SLC26A11: variants seen among roughly 807,000 people sequenced by gnomAD.
The protein encoded by SLC26A11 is sodium-independent sulfate anion transporter.
Under a neutral mutation model 62.2 loss-of-function variants are expected in SLC26A11, and 58 were observed. The ratio of observed to expected loss-of-function variants is 0.93; its 90% confidence interval spans 0.76 to 1.16. SLC26A11 has a LOEUF of 1.16. Among genes scored for constraint, SLC26A11 ranks in the 50% most tolerant of loss-of-function variants. SLC26A11 has a pLI of 0.00. For synonymous variants in SLC26A11, 411 were observed against 368.9 expected (o/e 1.11, Z -1.31); for missense variants, 790 against 794.3 (o/e 0.99, Z 0.06).
chr17:80,232,497 C>T (rs2042590202), intron 7 of SLC26A11, among the ~76,000 whole-genome samples: 1 of 152,166 alleles, frequency 6.6e-6, no homozygotes, highest in African/African-American at 2.4e-5. Flanking sequence ...TCAAGTGATC[C>T]ACCTGCCTTG....
At position 80,248,240 on chromosome 17, in the gene SLC26A11, G is replaced by A. The variant is rs189845840; in HGVS notation, c.1405G>A (p.Ala469Thr). ...VSLLMLLHSA[A>T]RPETKVSEGP... ...TCTGCTCATGCTCCTGCACTCTGCA[G>A]CCAGGCCTGAGACCAAGGTACCCCT... is the stretch of plus-strand genomic sequence containing the variant. The change falls in exon 14 of 18, where the codon GCC becomes ACC. Residue 469 changes from alanine to threonine, a missense_variant. Ala to Thr is a moderately conservative substitution (Grantham distance 58). Transcript: ENST00000361193. 6 of 1,609,038 alleles carry A rather than the reference G, an allele frequency of 3.7e-6. No homozygotes were observed. The highest frequency in any genetic ancestry group is 5.1e-6 in the Non-Finnish European group (6 of 1,179,082).
chr17:80,248,052 G>C, intron 13 of SLC26A11, 78 bp from the exon 14 acceptor site: 4 of 1,463,342 alleles, frequency 2.7e-6, no homozygotes, highest in South Asian at 1.4e-5. Context: ...GGGGCAGAAA[G>C]CTGTCCCGCT....
intron 5 of SLC26A11, among the ~76,000 whole-genome samples, chr17:80,224,923 CA>C (rs2042365409): frequency 6.6e-6 from 1 of 152,068 alleles, no homozygotes; most frequent in African/African-American, 2.4e-5. Flanking sequence ...GTCCGCCCCC[CA>C]GGATGTCCTA....
At position 80,253,021 on chromosome 17, in the gene SLC26A11, G is replaced by C. The variant is rs1044202713; in HGVS notation, c.*305G>C. On this transcript the variant is annotated 3_prime_UTR_variant, in exon 18 of 18. Transcript: ENST00000361193. Reference sequence around the variant, plus strand: ...ACTGTGCGAGGAAGCAGGGGCAGGGGTTTCCAGCCCGGGCTGTGCGAGGCA... The same window carrying C: ...ACTGTGCGAGGAAGCAGGGGCAGGGCTTTCCAGCCCGGGCTGTGCGAGGCA... The C allele has an allele frequency of 4.7e-6, 1 of 212,708 alleles. No individual in the cohort carries two copies. The highest frequency in any genetic ancestry group is 9.5e-6 in the Non-Finnish European group (1 of 104,804). 13.2% of individuals were successfully genotyped at this position (212,708 alleles called of 1,614,324 possible).
At chr17:80,251,916 C>G (rs2043168253) in intron 17 of SLC26A11, among the ~76,000 whole-genome samples, 1 of 152,164 alleles carries the variant, frequency 6.6e-6, no homozygotes, top group Admixed American at 6.6e-5. Context: ...CATTTCATAC[C>G]TGGTGCTCTG....
rs183121644 is a variant in SLC26A11 at position 80,236,213 on chromosome 17, G to A, written c.737-715G>A. On this transcript the variant is annotated intron_variant, in intron 7 of 17. Coordinates refer to ENST00000361193, the MANE Select transcript of SLC26A11 (RefSeq NM_001166347.2). ...TGACTCTTCCCCACTGTGGGTTTGG[G>A]TCATTTTCGCCCAGCTTTGCCTCGA... Among the ~76,000 whole-genome samples the A allele has an allele frequency of 3.0e-3, 455 of 152,278 alleles. 2 individuals carry two copies. Among genetic ancestry groups the A allele is most frequent in the Non-Finnish European group, 4.4e-3 (296 of 68,024 alleles).
rs2043181143 is a variant in SLC26A11, at chr17:80,252,469, C to G, written c.1730-156C>G. ...ACGCTTACAGAGACTCAGGTGAGAC[C>G]CTCATGGAGTTAGTGACACTGGCCT... is the stretch of plus-strand genomic sequence containing the variant. On this transcript the variant is annotated intron_variant, in intron 17 of 17. Transcript: ENST00000361193. This position sits in a 1 kb window ranked among gnomAD's most constrained non-coding sequence, Gnocchi z 5.2. 6.6e-6 allele frequency among the ~76,000 whole-genome samples: 1 copy of G among 152,042 alleles called. No homozygotes were observed. The highest frequency in any genetic ancestry group is 2.1e-4 in the South Asian group (1 of 4,822).
intron 16 of SLC26A11, among the ~76,000 whole-genome samples, chr17:80,249,850 AGCC>A (rs2043111899): frequency 6.6e-6 from 1 of 152,060 alleles, no homozygotes; most frequent in Non-Finnish European, 1.5e-5. Context: ...GGTTGCAGTA[AGCC>A]GAGATCCCAC....
In SLC26A11 at chr17:80,222,733, A is replaced by G; in HGVS notation, c.313A>G (p.Thr105Ala). Residue 105 changes from threonine to alanine, a missense_variant, in exon 4 of 18, where the codon ACC becomes GCC. Transcript: ENST00000361193. The surrounding 1 kb of genome is among the most constrained non-coding windows in gnomAD (Gnocchi z 4.7). ...GTSRDVTLGP[T>A]AIMSLLVSFY... Reference sequence around the variant, plus strand: ...CTCCCGGGATGTGACTCTGGGCCCCACCGCCATTATGTCCCTCCTGGTCTC... The same window carrying G: ...CTCCCGGGATGTGACTCTGGGCCCCGCCGCCATTATGTCCCTCCTGGTCTC... The G allele has an allele frequency of 6.2e-7, 1 of 1,613,906 alleles. No individual in the cohort carries two copies. Among genetic ancestry groups the G allele is most frequent in the Non-Finnish European group, 8.5e-7 (1 of 1,179,958 alleles).
At position 80,246,930 on chromosome 17, in the gene SLC26A11, C is replaced by T. The variant is rs1356487173; in HGVS notation, c.1294+281C>T. Among the ~76,000 whole-genome samples, 2 of 152,070 alleles carry T rather than the reference C, an allele frequency of 1.3e-5. No individual in the cohort carries two copies. The highest frequency in any genetic ancestry group is 2.9e-5 in the Non-Finnish European group (2 of 67,986). On this transcript the variant is annotated intron_variant, in intron 13 of 17. Coordinates refer to ENST00000361193, the MANE Select transcript of SLC26A11 (RefSeq NM_001166347.2). This position sits in a 1 kb window ranked among gnomAD's most constrained non-coding sequence, Gnocchi z 4.4. ...CCTGATCCCCCTGCCCCCATCCCTA[C>T]CCTCCTTGCCACCCGCCTCCAGCCA...
intron 16 of SLC26A11, among the ~76,000 whole-genome samples, chr17:80,250,678 T>C (rs966663614): frequency 1.7e-4 from 26 of 150,198 alleles, no homozygotes; most frequent in African/African-American, 6.2e-4. Context: ...AATACAAAAA[T>C]TAGACGGGCA....
chr17:80,226,920 C>T lies in SLC26A11; in HGVS notation c.594-898C>T, dbSNP rs375106595. Among the ~76,000 whole-genome samples the T allele has an allele frequency of 7.9e-5, 12 of 152,248 alleles. No individual in the cohort carries two copies. The East Asian group carries it at 1.4e-3, about 17-fold the overall frequency. ...CTTCCCCTCCCCTCTGATCTGCTGC[C>T]GAAGCTTCCCAGCAGCTGAACCCAG... On this transcript the variant is annotated intron_variant, in intron 6 of 17. Coordinates refer to ENST00000361193, the MANE Select transcript of SLC26A11 (RefSeq NM_001166347.2).
chr17:80,252,452 A>C lies in SLC26A11; in HGVS notation c.1730-173A>C, dbSNP rs1397708591. On this transcript the variant is annotated intron_variant, in intron 17 of 17. Transcript: ENST00000361193. The surrounding 1 kb of genome is among the most constrained non-coding windows in gnomAD (Gnocchi z 5.2). ...TTAGTCACCTGAAAAATACGCTTAC[A>C]GAGACTCAGGTGAGACCCTCATGGA... Among the ~76,000 whole-genome samples the C allele has an allele frequency of 2.0e-5, 3 of 152,110 alleles. No individual in the cohort carries two copies. Among genetic ancestry groups the C allele is most frequent in the African/African-American group, 7.2e-5 (3 of 41,424 alleles).
At position 80,253,003 on chromosome 17, in the gene SLC26A11, G is replaced by A. The variant is rs948447787; in HGVS notation, c.*287G>A. On this transcript the variant is annotated 3_prime_UTR_variant, in exon 18 of 18. Coordinates refer to ENST00000361193, the MANE Select transcript of SLC26A11 (RefSeq NM_001166347.2). ...AGCCTTCTAGAATGACAGACTGTGC[G>A]AGGAAGCAGGGGCAGGGGTTTCCAG... 23 of 242,404 alleles carry A rather than the reference G, an allele frequency of 9.5e-5. No individual in the cohort carries two copies. Among genetic ancestry groups the A allele is most frequent in the Non-Finnish European group, 1.5e-4 (19 of 123,048 alleles). The allele number at this position is 242,404 out of a possible 1,614,324, so 15.0% of individuals were successfully genotyped here. A position where few individuals can be genotyped will look rare whatever the true frequency, so the allele number is the denominator to read the frequency against.
chr17:80,237,886 C>T (rs183837540), intron 9 of SLC26A11, among the ~76,000 whole-genome samples: 6 of 152,288 alleles, frequency 3.9e-5, no homozygotes, highest in South Asian at 2.1e-4. Context: ...ACGGTGTAAA[C>T]GCTGCTGTCT....
rs1344517900 is a variant in SLC26A11 at position 80,246,737 on chromosome 17, C to A, written c.1294+88C>A. On this transcript the variant is annotated intron_variant, in intron 13 of 17. Coordinates refer to ENST00000361193, the MANE Select transcript of SLC26A11 (RefSeq NM_001166347.2). This position sits in a 1 kb window ranked among gnomAD's most constrained non-coding sequence, Gnocchi z 4.4. Reference sequence around the variant, plus strand: ...TTATGCTACCCCATTTTCCTGCAGCCCCCTCTGTGGGGCTGGGACTGGGAA... The same window carrying A: ...TTATGCTACCCCATTTTCCTGCAGCACCCTCTGTGGGGCTGGGACTGGGAA... The A allele has an allele frequency of 6.6e-7, 1 of 1,507,430 alleles. No individual in the cohort carries two copies. The highest frequency in any genetic ancestry group is 8.9e-7 in the Non-Finnish European group (1 of 1,121,190). 93.4% of individuals were successfully genotyped at this position (1,507,430 alleles called of 1,614,324 possible). A position where few individuals can be genotyped will look rare whatever the true frequency, so the allele number is the denominator to read the frequency against.
At chr17:80,244,748 G>C (rs918080419) in intron 10 of SLC26A11, among the ~76,000 whole-genome samples, 1 of 152,088 alleles carries the variant, frequency 6.6e-6, no homozygotes, top group South Asian at 2.1e-4. Flanking sequence ...AGGTCGAAGC[G>C]GGTGGATCAC....
intron 10 of SLC26A11, among the ~76,000 whole-genome samples, 174 bp from the exon 11 acceptor site, chr17:80,245,022 T>C (rs112368725): frequency 6.2e-5 from 9 of 146,114 alleles, no homozygotes; most frequent in African/African-American, 2.3e-4. Flanking sequence ...TCTGCAAGAA[T>C]GTGGCCTGTT....
At position 80,221,723 on chromosome 17, in the gene SLC26A11, G is replaced by A; in HGVS notation, c.163G>A (p.Gly55Ser). 3 of 1,613,674 alleles carry A rather than the reference G, an allele frequency of 1.9e-6. No individual in the cohort carries two copies. Among genetic ancestry groups the A allele is most frequent in the Non-Finnish European group, 2.5e-6 (3 of 1,180,034 alleles). ...LQWLKMDFVA[G>S]LSVGLTAIPQ... ...GTGGCTGAAGATGGATTTCGTCGCC[G>A]GCCTCTCAGTTGGCCTCACTGCCAT... The change falls in exon 3 of 18, where the codon GGC (glycine) becomes AGC (serine). Residue 55 changes from glycine to serine, a missense_variant. Transcript: ENST00000361193.
Sources: allele counts gnomAD v4.1 joint callset (sites outside exome capture counted in the v4.1 genomes callset), GRCh38; gene constraint gnomAD v4.1.1; non-coding constraint Gnocchi (gnomAD v3.1); transcripts MANE v1.5; gene names NCBI Gene and HGNC (gene_info 2026-07-23, HGNC 2026-07-21).